Variants in SPEF2 observed in about 807,000 individuals in gnomAD.
SPEF2 encodes sperm flagella and cilia-associated protein 2.
A neutral mutation model predicts 224.6 loss-of-function variants in SPEF2; 187 were observed. The ratio of observed to expected loss-of-function variants is 0.83; its 90% CI spans 0.74 to 0.94. The LOEUF (loss-of-function observed/expected upper bound fraction) is 0.94. SPEF2 is among the 40% of genes least tolerant of loss of function. The pLI, the probability that SPEF2 is intolerant of heterozygous loss-of-function variation, is 0.00. For synonymous variants in SPEF2, 715 were observed against 707.3 expected, an observed-to-expected ratio of 1.01 and a Z score of -0.17; for missense variants, 2,170 against 2,135.6, an observed-to-expected ratio of 1.02 and a Z score of -0.32.
Position 35,644,504 on chromosome 5 carries a change from A to G in SPEF2, c.564A>G (p.Gln188=), listed in dbSNP as rs376601933. ...GATTTCAAAAACTCAAGGAAGAGCA[A>G]AGATGTTTTGATATTGAAAAGGTTC... ...LERFQKLKEE[Q]RCFDIEKQYL... Residue 188 remains glutamine, a synonymous_variant, in exon 4 of 37, where the codon CAA becomes CAG. Coordinates refer to ENST00000356031, the MANE Select transcript of SPEF2 (RefSeq NM_024867.4). The G allele has an allele frequency of 1.9e-6, 3 of 1,602,944 alleles. No individual in the cohort carries two copies. The highest frequency in any genetic ancestry group is 2.5e-6 in the Non-Finnish European group (3 of 1,176,854).
chr5:35,726,293 C>T (rs1411616810), intron 20 of SPEF2, among the ~76,000 whole-genome samples: 1 of 152,118 alleles, frequency 6.6e-6, no homozygotes, highest in African/African-American at 2.4e-5. Flanking sequence ...TTTATCATTA[C>T]AAAGTTCTTC....
chr5:35,646,849 C>T (rs747129033), intron 5 of SPEF2, 42 bp downstream of exon 5: 7 of 1,597,402 alleles, frequency 4.4e-6, no homozygotes, highest in Non-Finnish European at 6.0e-6. Flanking sequence ...TTTATCTTAA[C>T]TAAAGAATAG....
intron 30 of SPEF2, among the ~76,000 whole-genome samples, chr5:35,784,227 A>G (rs1754761224): frequency 6.6e-6 from 1 of 151,152 alleles, no homozygotes; most frequent in Non-Finnish European, 1.5e-5. Flanking sequence ...TCCCGGGTTC[A>G]CGCCATTCTC....
rs146078211 is a variant in SPEF2 at position 35,774,839 on chromosome 5, C to T, written c.4078+818C>T. The stretch of plus-strand genomic sequence containing the variant: ...ATCTTACTACCACCCACTTCTAAAA[C>T]CCCAACAATAAAATCTGAAGTCAGT... On this transcript the variant is annotated intron_variant, in intron 28 of 36. Coordinates refer to ENST00000356031, the MANE Select transcript of SPEF2 (RefSeq NM_024867.4). Among the ~76,000 whole-genome samples the T allele has an allele frequency of 1.2e-4, 18 of 152,236 alleles. No individual in the cohort carries two copies. In the East Asian group the frequency reaches 2.3e-3, roughly 20 times the overall value.
intron 7 of SPEF2, among the ~76,000 whole-genome samples, chr5:35,658,100 TGA>T (rs756579693): frequency 5.9e-5 from 9 of 152,094 alleles, no homozygotes; most frequent in Non-Finnish European, 1.2e-4. Flanking sequence ...TTCGAAAGAG[TGA>T]GAGAGCTTGA....
chr5:35,731,245 G>T (rs192975898), intron 21 of SPEF2, among the ~76,000 whole-genome samples: 2 of 152,206 alleles, frequency 1.3e-5, no homozygotes, highest in East Asian at 3.9e-4. Context: ...AGACTTGGTG[G>T]ACCCTCTTTA....
intron 20 of SPEF2, among the ~76,000 whole-genome samples, chr5:35,718,922 C>T (rs1221017595): frequency 6.6e-6 from 1 of 152,164 alleles, no homozygotes; most frequent in South Asian, 2.1e-4. Flanking sequence ...GACTCCTTAT[C>T]ATAAGCTGAA....
At chr5:35,647,743 C>T (rs745652848) in intron 5 of SPEF2, among the ~76,000 whole-genome samples, 4 of 152,124 alleles carry the variant, frequency 2.6e-5, no homozygotes, top group South Asian at 2.1e-4. Context: ...TGCTTTTACT[C>T]GATTCCTCCT....
At chr5:35,794,166 CAA>C (rs1756344980) in intron 32 of SPEF2, among the ~76,000 whole-genome samples, 1 of 152,094 alleles carries the variant, frequency 6.6e-6, no homozygotes, top group Non-Finnish European at 1.5e-5. Flanking sequence ...CTGAGTAAGA[CAA>C]GAGTAAAAAC....
intron 2 of SPEF2, chr5:35,632,951 T>G (rs1321164587): frequency 1.3e-5 from 2 of 152,046 alleles, no homozygotes; most frequent in Non-Finnish European, 2.9e-5. Flanking sequence ...CTTAATGAAA[T>G]TTTTTTTGGT....
intron 30 of SPEF2, chr5:35,789,181 C>T (rs775042439): frequency 1.3e-5 from 9 of 702,928 alleles, no homozygotes; most frequent in South Asian, 1.0e-4. Flanking sequence ...AAAGTGACAC[C>T]AGTCAAAAGA....
Position 35,739,797 on chromosome 5 carries a change from G to A in SPEF2, c.3064-122G>A, listed in dbSNP as rs1370094136. 4.7e-6 allele frequency: 5 copies of A among 1,073,630 alleles called. No individual in the cohort carries two copies. The East Asian group carries it at 9.9e-5, about 21-fold the overall frequency. The allele number at this position is 1,073,630 out of a possible 1,614,324, so 66.5% of individuals were successfully genotyped here. A position where few individuals can be genotyped will look rare whatever the true frequency, so the allele number is the denominator to read the frequency against. On this transcript the variant is annotated intron_variant, in intron 21 of 36. Transcript: ENST00000356031. Reference sequence around the variant, plus strand: ...AGAAGAGGAGCAAGAAGTCTCACAGGGAATGCTTTATGTAGTTGCAGTTGC... The same window carrying A: ...AGAAGAGGAGCAAGAAGTCTCACAGAGAATGCTTTATGTAGTTGCAGTTGC...
chr5:35,618,698 A>G (rs1345590609), intron 1 of SPEF2, among the ~76,000 whole-genome samples: 1 of 152,208 alleles, frequency 6.6e-6, no homozygotes, highest in South Asian at 2.1e-4. Context: ...TCTGGTCACT[A>G]TTGGCTCTTG....
Position 35,760,834 on chromosome 5 carries a change from A to C in SPEF2, c.3620+1115A>C, listed in dbSNP as rs547613792. On this transcript the variant is annotated intron_variant, in intron 25 of 36. Transcript: ENST00000356031. ...ACTATAAAACATTAAGAGAGCTAAA[A>C]GTAAGAATTAAAATAAAGCAATTAA... Among the ~76,000 whole-genome samples the C allele has an allele frequency of 2.6e-5, 4 of 152,310 alleles. No individual in the cohort carries two copies. In the South Asian group the frequency reaches 8.3e-4, roughly 32 times the overall value.
chr5:35,711,681 T>G lies in SPEF2; in HGVS notation c.2840-1131T>G, dbSNP rs1382513295. ...CAAATTTAGTGGTCAACTACTTGGA[T>G]TTTTAAATATCCATTTAGAGAGATT... On this transcript the variant is annotated intron_variant, in intron 19 of 36. Transcript: ENST00000356031. Among the ~76,000 whole-genome samples, 14 of 149,534 alleles carry G rather than the reference T, an allele frequency of 9.4e-5. No individual in the cohort carries two copies. In the East Asian group the frequency reaches 2.8e-3, roughly 30 times the overall value.
intron 19 of SPEF2, chr5:35,710,537 A>T (rs1740896489): frequency 1.1e-6 from 1 of 950,682 alleles, no homozygotes; most frequent in Non-Finnish European, 1.3e-6. Context: ...AGCCTGGGGG[A>T]TAGAGTGAAA....
intron 28 of SPEF2, among the ~76,000 whole-genome samples, chr5:35,774,277 G>T (rs1019249386): frequency 3.9e-5 from 6 of 152,216 alleles, no homozygotes; most frequent in Admixed American, 2.6e-4. Context: ...GAACCAAAAA[G>T]AATTTGGTAA....
intron 14 of SPEF2, among the ~76,000 whole-genome samples, chr5:35,696,054 G>T (rs1755263141): frequency 6.6e-6 from 1 of 152,142 alleles, no homozygotes; most frequent in African/African-American, 2.4e-5. Context: ...TTTAGACAGA[G>T]ACCAAATTCA....
chr5:35,708,232 A>G (rs755300105), intron 18 of SPEF2, among the ~76,000 whole-genome samples: 16 of 152,092 alleles, frequency 1.1e-4, no homozygotes, highest in Non-Finnish European at 2.2e-4. Flanking sequence ...TTAATTGAAG[A>G]TGTATGTACT....
Sources: allele counts gnomAD v4.1 joint callset (sites outside exome capture counted in the v4.1 genomes callset), GRCh38; gene constraint gnomAD v4.1.1; transcripts MANE v1.5; gene names NCBI Gene and HGNC (gene_info 2026-07-23, HGNC 2026-07-21).